Variants in RTTN observed in about 807,000 individuals in gnomAD.
RTTN encodes rotatin.
RTTN carries 182 observed loss-of-function variants against 269.2 expected under a neutral mutation model. The observed-to-expected ratio is 0.68, with a 90% confidence interval of 0.60 to 0.76. RTTN has a LOEUF of 0.76. RTTN is among the 30% of genes least tolerant of loss of function. RTTN has a pLI of 0.00. For missense variants in RTTN, 2,545 were observed against 2,608.6 expected (o/e 0.98, Z 0.53); for synonymous variants, 1,006 against 963.5 (o/e 1.04, Z -0.82).
intron 46 of RTTN, 49 bp downstream of exon 46, chr18:70,017,358 A>T: frequency 6.6e-7 from 1 of 1,519,892 alleles, no homozygotes; most frequent in Non-Finnish European, 9.0e-7. Flanking sequence ...TGACCTGAAC[A>T]GTCTATGAAT....
At chr18:70,203,654 T>C (rs1323593105) in intron 3 of RTTN, among the ~76,000 whole-genome samples, 3 of 152,218 alleles carry the variant, frequency 2.0e-5, no homozygotes, top group African/African-American at 7.2e-5. Flanking sequence ...GACTGCAGCA[T>C]ATAAAAATAC....
intron 46 of RTTN, chr18:70,008,641 C>T (rs1202804605): frequency 6.7e-6 from 1 of 148,820 alleles, no homozygotes; most frequent in East Asian, 2.0e-4. Flanking sequence ...ATCGATCAAG[C>T]AGAAGAAAGG....
intron 11 of RTTN, among the ~76,000 whole-genome samples, chr18:70,170,351 T>C (rs1480364134): frequency 6.6e-6 from 1 of 152,156 alleles, no homozygotes; most frequent in Non-Finnish European, 1.5e-5. Flanking sequence ...CTTCCTAAGA[T>C]GTTAGGTGTG....
At chr18:70,193,489 GTAGAA>G in intron 7 of RTTN, 36 bp from the exon 8 acceptor site, 1 of 1,358,748 alleles carries the variant, frequency 7.4e-7, no homozygotes, top group Non-Finnish European at 9.9e-7. Context: ...TTATTCTTTA[GTAGAA>G]ACAGACTTCT....
chr18:70,091,060 T>A (rs1412183355), intron 30 of RTTN, among the ~76,000 whole-genome samples: 1 of 152,210 alleles, frequency 6.6e-6, no homozygotes, highest in African/African-American at 2.4e-5. Context: ...GTTCACAGGT[T>A]CACACCTGCA....
intron 28 of RTTN, among the ~76,000 whole-genome samples, chr18:70,107,682 A>G (rs544107057): frequency 1.3e-5 from 2 of 152,350 alleles, no homozygotes; most frequent in African/African-American, 4.8e-5. Flanking sequence ...AGGAGATAAT[A>G]AATATTGGCA....
intron 24 of RTTN, chr18:70,127,977 G>C (rs1194932686): frequency 6.0e-6 from 3 of 500,492 alleles, no homozygotes; most frequent in Non-Finnish European, 1.1e-5. Context: ...ATTCACTTAA[G>C]ACAGACAGAT....
chr18:70,038,318 T>C (rs1274535785), intron 40 of RTTN, among the ~76,000 whole-genome samples: 2 of 152,148 alleles, frequency 1.3e-5, no homozygotes, highest in African/African-American at 2.4e-5. Flanking sequence ...CAGTGTTGTG[T>C]TGACATCAGG....
chr18:70,104,924 C>G (rs1177609003), intron 28 of RTTN, among the ~76,000 whole-genome samples: 1 of 152,186 alleles, frequency 6.6e-6, no homozygotes, highest in Non-Finnish European at 1.5e-5. Flanking sequence ...AAGTGTCTCC[C>G]AGTTAGGCTA....
chr18:70,015,119 C>T (rs889609612), intron 46 of RTTN, among the ~76,000 whole-genome samples: 8 of 151,386 alleles, frequency 5.3e-5, no homozygotes, highest in Non-Finnish European at 2.9e-5. Flanking sequence ...CACTCTGTTG[C>T]CCAGGCTGGA....
At chr18:70,061,276 G>A (rs751855601) in intron 35 of RTTN, 1 of 451,088 alleles carries the variant, frequency 2.2e-6, no homozygotes, top group East Asian at 7.0e-5. Flanking sequence ...CCCTACATTA[G>A]TGAACACCTC....
At chr18:70,102,429 T>A (rs1259306059) in intron 28 of RTTN, among the ~76,000 whole-genome samples, 1 of 152,208 alleles carries the variant, frequency 6.6e-6, no homozygotes, top group Non-Finnish European at 1.5e-5. Context: ...GCTTGGTTGA[T>A]CTTCCTCCAT....
rs2056574844 is a variant in RTTN, at chr18:70,017,474, T to C, written c.6354A>G (p.Leu2118=). The C allele has an allele frequency of 6.2e-7, 1 of 1,614,008 alleles. No homozygotes were observed. Among genetic ancestry groups the C allele is most frequent in the Non-Finnish European group, 8.5e-7 (1 of 1,179,930 alleles). The part of the protein sequence containing the change: ...MSKYKHKSSP[L]LPLLIFHNVC... ...CATTATGAAAGATAAGAAGAGGCAATAAAGGGCTGCTCTTGTGCTTGTATT... is the reference window on the plus strand; with the variant it reads ...CATTATGAAAGATAAGAAGAGGCAACAAAGGGCTGCTCTTGTGCTTGTATT... Residue 2118 remains leucine (L), a synonymous_variant, in exon 46 of 49, where the codon TTA becomes TTG. Transcript: ENST00000640769.
chr18:70,163,660 GA>G (rs2060907306), intron 14 of RTTN, among the ~76,000 whole-genome samples: 5 of 152,138 alleles, frequency 3.3e-5, no homozygotes, highest in Non-Finnish European at 1.5e-5. Context: ...CTTGGGACCA[GA>G]AGTGTTTCAG....
At chr18:70,166,812 AAAT>A in intron 13 of RTTN, 104 bp downstream of exon 13, 2 of 719,494 alleles carry the variant, frequency 2.8e-6, no homozygotes, top group Non-Finnish European at 4.5e-6. Context: ...TTAAACTAAA[AAAT>A]AATAACAAAG....
intron 26 of RTTN, among the ~76,000 whole-genome samples, chr18:70,119,050 CTA>C (rs2059670176): frequency 6.6e-6 from 1 of 151,966 alleles, no homozygotes; most frequent in Non-Finnish European, 1.5e-5. Context: ...CTCACCATGT[CTA>C]TTCAATATGG....
chr18:70,061,804 A>G (rs1437437693), intron 35 of RTTN, among the ~76,000 whole-genome samples: 1 of 152,210 alleles, frequency 6.6e-6, no homozygotes, highest in East Asian at 1.9e-4. Context: ...ACTGTCCTCC[A>G]GCCTGGATGA....
chr18:70,015,255 G>A (rs999767580), intron 46 of RTTN, among the ~76,000 whole-genome samples: 1 of 152,038 alleles, frequency 6.6e-6, no homozygotes, highest in Non-Finnish European at 1.5e-5. Flanking sequence ...TAGAGGCGGG[G>A]TTTCACCATG....
intron 32 of RTTN, among the ~76,000 whole-genome samples, chr18:70,076,957 C>A (rs754113499): frequency 6.6e-6 from 1 of 151,848 alleles, no homozygotes; most frequent in Non-Finnish European, 1.5e-5. Flanking sequence ...ATCTTTTAAG[C>A]AAGTTATAAC....
Sources: allele counts gnomAD v4.1 joint callset (sites outside exome capture counted in the v4.1 genomes callset), GRCh38; gene constraint gnomAD v4.1.1; transcripts MANE v1.5; gene names NCBI Gene and HGNC (gene_info 2026-07-23, HGNC 2026-07-21).